Variants in RAB38 observed in about 807,000 individuals in gnomAD.
RAB38 encodes ras-related protein Rab-38.
RAB38 carries 15 observed loss-of-function variants against 18.4 expected under a neutral mutation model. That is an observed-to-expected ratio of 0.82 (90% CI 0.55 to 1.26). RAB38 has a LOEUF of 1.26. Among genes scored for constraint, RAB38 ranks in the 50% most tolerant of loss-of-function variants. RAB38 has a pLI of 0.00. For synonymous variants in RAB38, 101 were observed against 104.4 expected, an observed-to-expected ratio of 0.97 and a Z score of 0.20; for missense variants, 294 against 267.4, an observed-to-expected ratio of 1.10 and a Z score of -0.69.
chr11:88,025,139 C>A, the RAB38 span, among the ~76,000 whole-genome samples: 2 of 151,466 alleles, frequency 1.3e-5, no homozygotes, highest in Admixed American at 6.6e-5. Flanking sequence ...CATATTTACA[C>A]CTACTATGTA....
chr11:88,020,880 G>C, the RAB38 span, among the ~76,000 whole-genome samples: 1 of 151,882 alleles, frequency 6.6e-6, no homozygotes, highest in Non-Finnish European at 1.5e-5. Flanking sequence ...GAAGGAAATT[G>C]ATAAAAATTT....
At chr11:88,042,566 C>G in the RAB38 span, among the ~76,000 whole-genome samples, 1 of 152,116 alleles carries the variant, frequency 6.6e-6, no homozygotes, top group Non-Finnish European at 1.5e-5. Flanking sequence ...CCTGGGGAAG[C>G]CAGAGAGTGT....
chr11:87,943,787 A>C, the RAB38 span, among the ~76,000 whole-genome samples: 1 of 152,144 alleles, frequency 6.6e-6, no homozygotes, highest in African/African-American at 2.4e-5. Context: ...TCCTACATTA[A>C]AGGCATGATC....
At chr11:88,066,073 T>C in the RAB38 span, among the ~76,000 whole-genome samples, 1 of 152,202 alleles carries the variant, frequency 6.6e-6, no homozygotes, top group Non-Finnish European at 1.5e-5. Flanking sequence ...CAAGGGATCT[T>C]TGCTGACGTA....
chr11:87,967,596 AG>A, the RAB38 span, among the ~76,000 whole-genome samples: 1 of 152,174 alleles, frequency 6.6e-6, no homozygotes, highest in Non-Finnish European at 1.5e-5. Context: ...GAGAACAAAA[AG>A]CTGGGCAATG....
At chr11:87,949,918 G>A in the RAB38 span, among the ~76,000 whole-genome samples, 1 of 152,300 alleles carries the variant, frequency 6.6e-6, no homozygotes, top group East Asian at 1.9e-4. Context: ...GCTTGGTGCA[G>A]AACTGAGTTC....
the RAB38 span, among the ~76,000 whole-genome samples, chr11:87,805,013 C>T: frequency 1.3e-5 from 2 of 152,106 alleles, no homozygotes; most frequent in African/African-American, 2.4e-5. Context: ...GTTGCTTCTT[C>T]AATGAATTTT....
chr11:87,889,125 T>C, the RAB38 span, among the ~76,000 whole-genome samples: 1 of 152,024 alleles, frequency 6.6e-6, no homozygotes, highest in South Asian at 2.1e-4. Flanking sequence ...CTTATGTTTT[T>C]CTCCAAATGG....
the RAB38 span, among the ~76,000 whole-genome samples, chr11:87,828,690 A>G: frequency 6.6e-6 from 1 of 152,150 alleles, no homozygotes; most frequent in Non-Finnish European, 1.5e-5. Flanking sequence ...GTACTTTCTA[A>G]TCTACCTTTT....
the RAB38 span, among the ~76,000 whole-genome samples, chr11:87,976,089 C>T: frequency 1.2e-4 from 18 of 149,854 alleles, no homozygotes; most frequent in Non-Finnish European, 2.4e-4. Context: ...TCAAAAAAGT[C>T]TGGTATATGT....
chr11:88,171,353 G>GAT (rs1177702508), intron 1 of RAB38, among the ~76,000 whole-genome samples: 1 of 152,144 alleles, frequency 6.6e-6, no homozygotes, highest in Non-Finnish European at 1.5e-5. Context: ...TGAGGACAGT[G>GAT]ATAATAAACC....
the RAB38 span, among the ~76,000 whole-genome samples, chr11:87,970,543 A>G: frequency 6.6e-6 from 1 of 152,168 alleles, no homozygotes; most frequent in East Asian, 1.9e-4. Context: ...CATGGGGTGC[A>G]CATTCCTACC....
chr11:88,063,574 T>A, the RAB38 span, among the ~76,000 whole-genome samples: 2 of 152,288 alleles, frequency 1.3e-5, no homozygotes, highest in East Asian at 3.9e-4. Context: ...AGGGTGTCGA[T>A]ATGGTTTGGC....
chr11:88,075,586 T>C, the RAB38 span, among the ~76,000 whole-genome samples: 6 of 152,102 alleles, frequency 3.9e-5, no homozygotes, highest in Non-Finnish European at 8.8e-5. Flanking sequence ...ATCAAAAAGA[T>C]AGAAAAACTT....
At chr11:87,828,344 C>G in the RAB38 span, among the ~76,000 whole-genome samples, 1 of 152,064 alleles carries the variant, frequency 6.6e-6, no homozygotes, top group African/African-American at 2.4e-5. Context: ...GTCATGTTTA[C>G]TAGATAGATG....
At chr11:87,928,940 C>T in the RAB38 span, among the ~76,000 whole-genome samples, 37 of 152,126 alleles carry the variant, frequency 2.4e-4, no homozygotes, top group South Asian at 6.4e-3. Flanking sequence ...CATGGTGAAA[C>T]CCTATCTCTA....
At chr11:88,058,161 C>T in the RAB38 span, among the ~76,000 whole-genome samples, 1 of 152,230 alleles carries the variant, frequency 6.6e-6, no homozygotes, top group East Asian at 1.9e-4. Flanking sequence ...TCTGGGGCCT[C>T]ACACAGAGGA....
At chr11:87,965,182 C>G in the RAB38 span, among the ~76,000 whole-genome samples, 1 of 152,106 alleles carries the variant, frequency 6.6e-6, no homozygotes, top group African/African-American at 2.4e-5. Flanking sequence ...TTGAGAACCA[C>G]TGTACCAGAG....
At chr11:87,926,104 G>A in the RAB38 span, among the ~76,000 whole-genome samples, 5 of 151,506 alleles carry the variant, frequency 3.3e-5, no homozygotes, top group African/African-American at 7.3e-5. Context: ...GTGTTAGCAC[G>A]GAGTTAGTTC....
Sources: allele counts gnomAD v4.1 joint callset (sites outside exome capture counted in the v4.1 genomes callset), GRCh38; gene constraint gnomAD v4.1.1; transcripts MANE v1.5; gene names NCBI Gene and HGNC (gene_info 2026-07-23, HGNC 2026-07-21).